Variants in CDK6 observed in about 807,000 individuals in gnomAD.
The protein encoded by CDK6 is cyclin dependent kinase 6, also known as cyclin-dependent kinase 6.
A neutral mutation model predicts 37.1 loss-of-function variants in CDK6; 6 were observed. That is an observed-to-expected ratio of 0.16 (90% CI 0.09 to 0.32). The LOEUF is 0.32. Ranked by LOEUF, CDK6 falls within the 10% of genes least tolerant of loss-of-function variation. The pLI, the probability that CDK6 is intolerant of heterozygous loss-of-function variation, is 1.00. For missense variants in CDK6, 224 were observed against 418.9 expected (o/e 0.53, Z 4.06); for synonymous variants, 160 against 161.3 (o/e 0.99, Z 0.06).
intron 5 of CDK6, among the ~76,000 whole-genome samples, chr7:92,663,268 G>A (rs1265894268): frequency 6.6e-6 from 1 of 152,192 alleles, no homozygotes; most frequent in Non-Finnish European, 1.5e-5. Context: ...CCTAGGATAT[G>A]AGAATGGAGG....
intron 5 of CDK6, among the ~76,000 whole-genome samples, chr7:92,655,472 G>A (rs901189554): frequency 2.0e-5 from 3 of 152,238 alleles, no homozygotes; most frequent in African/African-American, 7.2e-5. Context: ...TTTATTGCAT[G>A]CTGATGCCTA....
chr7:92,754,390 A>G (rs1363293199), intron 3 of CDK6, among the ~76,000 whole-genome samples: 2 of 152,198 alleles, frequency 1.3e-5, no homozygotes, highest in Non-Finnish European at 2.9e-5. Context: ...TTCAGAGGAG[A>G]AAGTTCCAGG....
chr7:92,808,700 A>C (rs191075774), intron 2 of CDK6, among the ~76,000 whole-genome samples: 55 of 152,296 alleles, frequency 3.6e-4, no homozygotes, highest in African/African-American at 1.3e-3. Flanking sequence ...GTGATTTCTC[A>C]AGTATTTTGA....
At chr7:92,706,259 C>T (rs183814544) in intron 4 of CDK6, among the ~76,000 whole-genome samples, 255 of 152,278 alleles carry the variant, frequency 1.7e-3, no homozygotes, top group Non-Finnish European at 2.6e-3. Flanking sequence ...TTTTGGCCAG[C>T]GTGGTGGCTC....
intron 3 of CDK6, among the ~76,000 whole-genome samples, chr7:92,763,941 C>A (rs1215091046): frequency 2.0e-5 from 3 of 152,000 alleles, no homozygotes; most frequent in Non-Finnish European, 4.4e-5. Flanking sequence ...AAGTGAGCAC[C>A]CCAGGTGGTT....
chr7:92,748,025 C>T (rs949072571), intron 3 of CDK6, among the ~76,000 whole-genome samples: 2 of 152,106 alleles, frequency 1.3e-5, no homozygotes, highest in African/African-American at 4.8e-5. Context: ...TGGTAATATA[C>T]TATATTATTC....
chr7:92,817,895 A>G (rs563729157), intron 2 of CDK6, among the ~76,000 whole-genome samples: 9 of 152,110 alleles, frequency 5.9e-5, no homozygotes, highest in Non-Finnish European at 1.3e-4. Context: ...ATCCAAAAAC[A>G]TTAAATGCAA....
chr7:92,798,216 A>G (rs1395654155), intron 2 of CDK6, among the ~76,000 whole-genome samples: 3 of 152,192 alleles, frequency 2.0e-5, no homozygotes, highest in Non-Finnish European at 4.4e-5. Context: ...CAGTGCCAAA[A>G]TCTTTGTATA....
chr7:92,605,825 G>C lies in CDK6; in HGVS notation c.*9315C>G, dbSNP rs901355295. On this transcript the variant is annotated 3_prime_UTR_variant, in exon 8 of 8. Coordinates refer to ENST00000424848, the MANE Select transcript of CDK6 (RefSeq NM_001145306.2). ...AGGTAGGAAGGTTCTTGCTTTCAGAGAGCTGTGCTGCACCCACAGGGTGGA... is the reference window on the plus strand; with the variant it reads ...AGGTAGGAAGGTTCTTGCTTTCAGACAGCTGTGCTGCACCCACAGGGTGGA... 8.6e-6 allele frequency: 2 copies of C among 233,312 alleles called. No homozygotes were observed. The highest frequency in any genetic ancestry group is 1.2e-4 in the East Asian group (2 of 16,600). The allele number at this position is 233,312 out of a possible 1,614,324, so 14.5% of individuals were successfully genotyped here. A position where few individuals can be genotyped will look rare whatever the true frequency, so the allele number is the denominator to read the frequency against.
At chr7:92,691,077 C>T (rs1279299110) in intron 4 of CDK6, among the ~76,000 whole-genome samples, 1 of 152,164 alleles carries the variant, frequency 6.6e-6, no homozygotes, top group African/African-American at 2.4e-5. Flanking sequence ...ATTCTAATTA[C>T]TTATACTTTC....
Position 92,774,702 on chromosome 7 carries a change from G to T in CDK6, c.363C>A (p.Thr121=), listed in dbSNP as rs142730003. The T allele has an allele frequency of 6.9e-6, 11 of 1,602,874 alleles. No homozygotes were observed. Among genetic ancestry groups the T allele is most frequent in the Non-Finnish European group, 9.4e-6 (11 of 1,176,096 alleles). The change falls in exon 3 of 8, where the codon ACC becomes ACA. Residue 121 remains threonine (T), a synonymous_variant. Coordinates refer to ENST00000424848, the MANE Select transcript of CDK6 (RefSeq NM_001145306.2). Reference sequence around the variant, plus strand: ...TGAAGATGATTCTTGATACCTTTATGGTTTCAGTGGGCACTCCAGGCTCTG... The same window carrying T: ...TGAAGATGATTCTTGATACCTTTATTGTTTCAGTGGGCACTCCAGGCTCTG... ...KVPEPGVPTE[T]IKDMMFQLLR...
intron 3 of CDK6, among the ~76,000 whole-genome samples, chr7:92,766,037 G>C (rs1240971856): frequency 1.3e-5 from 2 of 152,124 alleles, no homozygotes; most frequent in South Asian, 4.1e-4. Flanking sequence ...AGGAAGAGTG[G>C]AGGCAGATCA....
intron 5 of CDK6, 200 bp downstream of exon 5, chr7:92,671,226 C>T: frequency 2.7e-6 from 1 of 376,644 alleles, no homozygotes; most frequent in Non-Finnish European, 4.7e-6. Flanking sequence ...TTTCCAGAAG[C>T]TGCAAGCTAC....
At chr7:92,747,677 A>T (rs1052833123) in intron 3 of CDK6, among the ~76,000 whole-genome samples, 8 of 152,152 alleles carry the variant, frequency 5.3e-5, no homozygotes, top group African/African-American at 1.9e-4. Flanking sequence ...CCCTCTTCTG[A>T]ATTCCTGTGG....
Position 92,778,946 on chromosome 7 carries a change from T to TATATATATATATATATAA in CDK6, c.234-4116_234-4115insTTATATATATATATATAT, listed in dbSNP as rs1479181745. 9.8e-4 allele frequency among the ~76,000 whole-genome samples: 132 copies of TATATATATATATATATAA among 134,984 alleles called. 7 individuals are homozygous for TATATATATATATATATAA. The highest frequency in any genetic ancestry group is 2.4e-3 in the African/African-American group (80 of 33,546). The allele number at this position is 134,984 out of a possible 152,430, so 88.6% of individuals were successfully genotyped here. On this transcript the variant is annotated intron_variant, in intron 2 of 7. Coordinates refer to ENST00000424848, the MANE Select transcript of CDK6 (RefSeq NM_001145306.2). ...TATCATATATATATATATATATATA[T>TATATATATATATATATAA]AAGATATTATAGTAATTTCCAAAAG...
intron 4 of CDK6, among the ~76,000 whole-genome samples, chr7:92,685,625 C>A (rs139197395): frequency 1.1e-3 from 175 of 152,256 alleles, no homozygotes; most frequent in African/African-American, 4.1e-3. Flanking sequence ...GCACTAAACT[C>A]CTGCACTAGG....
chr7:92,777,030 T>G (rs983439073), intron 2 of CDK6, among the ~76,000 whole-genome samples: 13 of 152,124 alleles, frequency 8.5e-5, no homozygotes, highest in Non-Finnish European at 2.9e-5. Context: ...GTTTTTATGG[T>G]TTTAGGTCTT....
intron 5 of CDK6, among the ~76,000 whole-genome samples, chr7:92,669,969 G>A (rs1453706717): frequency 6.6e-6 from 1 of 152,202 alleles, no homozygotes; most frequent in Non-Finnish European, 1.5e-5. Context: ...TGATGCTGAG[G>A]TTCCTGGTTC....
intron 6 of CDK6, among the ~76,000 whole-genome samples, chr7:92,621,946 T>A (rs905665302): frequency 6.6e-6 from 1 of 151,966 alleles, no homozygotes; most frequent in Non-Finnish European, 1.5e-5. Context: ...TTTTATTAAC[T>A]GTTTTAAGCA....
Sources: gnomAD v4.1 joint callset for allele counts (sites outside exome capture counted in the v4.1 genomes callset) on GRCh38, gnomAD v4.1.1 for gene constraint, MANE v1.5 for transcripts, NCBI Gene and HGNC (gene_info 2026-07-23, HGNC 2026-07-21) for gene names.